YEATS4: variants seen among roughly 807,000 people sequenced by gnomAD.
YEATS4 encodes YEATS domain-containing protein 4.
YEATS4 carries 17 observed loss-of-function variants against 30.1 expected under a neutral mutation model. That is an observed-to-expected ratio of 0.56 (90% CI 0.39 to 0.85). The LOEUF is 0.85. YEATS4 is among the 40% of genes least tolerant of loss of function. YEATS4 has a pLI of 0.00. For synonymous variants in YEATS4, 85 were observed against 87.5 expected, an observed-to-expected ratio of 0.97 and a Z score of 0.16; for missense variants, 142 against 268.3, an observed-to-expected ratio of 0.53 and a Z score of 3.29.
the YEATS4 span, among the ~76,000 whole-genome samples, chr12:69,399,395 T>C: frequency 6.6e-6 from 1 of 152,142 alleles, no homozygotes; most frequent in Non-Finnish European, 1.5e-5. Flanking sequence ...CCAATAAGCA[T>C]ATAAAAAGAT....
chr12:69,370,902 A>G lies in YEATS4; in HGVS notation c.441A>G (p.Pro147=). The G allele has an allele frequency of 1.2e-6, 2 of 1,613,372 alleles. No homozygotes were observed. The highest frequency in any genetic ancestry group is 2.2e-5 in the South Asian group (2 of 90,900). ...EFYDEMIFQD[P]TAMMQQLLTT... The stretch of plus-strand genomic sequence containing the variant: ...TATCCCATTAGATATTTCAAGACCC[A>G]ACAGCAATGATGCAACAATTATTGA... Residue 147 remains proline, a synonymous_variant, in exon 6 of 7, where the codon CCA becomes CCG. Coordinates refer to ENST00000247843, the MANE Select transcript of YEATS4 (RefSeq NM_006530.4).
chr12:69,391,749 A>G (rs571448048), downstream of YEATS4, among the ~76,000 whole-genome samples: 1 of 152,298 alleles, frequency 6.6e-6, no homozygotes, highest in African/African-American at 2.4e-5. Flanking sequence ...TCATGATAAG[A>G]TTTCCCAAGT....
At chr12:69,376,992 A>G (rs1027525919) in intron 6 of YEATS4, among the ~76,000 whole-genome samples, 9 of 152,238 alleles carry the variant, frequency 5.9e-5, no homozygotes, top group African/African-American at 2.2e-4. Flanking sequence ...TTGGCATATA[A>G]TTGCTCATAG....
chr12:69,380,864 A>G (rs1469693520), intron 6 of YEATS4, among the ~76,000 whole-genome samples: 1 of 152,136 alleles, frequency 6.6e-6, no homozygotes, highest in Non-Finnish European at 1.5e-5. Flanking sequence ...AAGCCACAAA[A>G]CCAGCAAGTT....
In YEATS4 at chr12:69,390,804, C is replaced by T. The variant is rs1345454316; in HGVS notation, c.*488C>T. ...TGTAGTTTACAGATCCTATTTCTCC[C>T]TCCTGATGTGTTTCTTCCTCTTTGA... On this transcript the variant is annotated 3_prime_UTR_variant, in exon 7 of 7. Transcript: ENST00000247843. 6.6e-6 allele frequency: 1 copy of T among 152,268 alleles called. No homozygotes were observed. The highest frequency in any genetic ancestry group is 1.5e-5 in the Non-Finnish European group (1 of 68,086). 9.4% of individuals were successfully genotyped at this position (152,268 alleles called of 1,614,324 possible). A position where few individuals can be genotyped will look rare whatever the true frequency, so the allele number is the denominator to read the frequency against.
intron 6 of YEATS4, among the ~76,000 whole-genome samples, chr12:69,376,365 C>T (rs1359915636): frequency 1.3e-5 from 2 of 152,114 alleles, no homozygotes; most frequent in Non-Finnish European, 2.9e-5. Context: ...GACTCTCTCT[C>T]AGAATAAATA....
chr12:69,364,919 G>A (rs567097927), intron 2 of YEATS4, among the ~76,000 whole-genome samples: 26 of 151,932 alleles, frequency 1.7e-4, no homozygotes, highest in Middle Eastern at 3.2e-3. Context: ...CGTGCCCGGC[G>A]TATGTGATAT....
At position 69,383,898 on chromosome 12, in the gene YEATS4, A is replaced by C. The variant is rs1876173532; in HGVS notation, c.515-6249A>C. Among the ~76,000 whole-genome samples, 3 of 152,232 alleles carry C rather than the reference A, an allele frequency of 2.0e-5. 1 individual carries two copies. In the South Asian group the frequency reaches 6.2e-4, roughly 32 times the overall value. On this transcript the variant is annotated intron_variant, in intron 6 of 6. Coordinates refer to ENST00000247843, the MANE Select transcript of YEATS4 (RefSeq NM_006530.4). ...CAAGAGGGTATTGTTTTCAGGGGGA[A>C]ATAAACTAGTATATTTGTAGGCTGA...
At chr12:69,373,243 T>C (rs1308493899) in intron 6 of YEATS4, among the ~76,000 whole-genome samples, 6 of 152,242 alleles carry the variant, frequency 3.9e-5, no homozygotes, top group African/African-American at 1.4e-4. Context: ...TTTACTAATT[T>C]ACATTCCCAC....
chr12:69,370,800 T>C lies in YEATS4; in HGVS notation c.426+2T>C. On this transcript the variant is annotated splice_donor_variant, in intron 5 of 6. Transcript: ENST00000247843. LOFTEE classifies it high-confidence loss of function. ...GTTTCAGAGTTCTATGATGAAATGG[T>C]AAGAAGATTTTATAATGATAGTTTT... 1 of 1,596,322 alleles carries C rather than the reference T, an allele frequency of 6.3e-7. No individual in the cohort carries two copies. The highest frequency in any genetic ancestry group is 8.5e-7 in the Non-Finnish European group (1 of 1,174,662).
At chr12:69,377,048 T>C (rs965759580) in intron 6 of YEATS4, among the ~76,000 whole-genome samples, 1 of 152,300 alleles carries the variant, frequency 6.6e-6, no homozygotes, top group Non-Finnish European at 1.5e-5. Flanking sequence ...AGTTTTAATG[T>C]CTCCTTTTTC....
intron 6 of YEATS4, among the ~76,000 whole-genome samples, chr12:69,377,396 CT>C (rs1408268222): frequency 7.9e-5 from 12 of 151,404 alleles, no homozygotes; most frequent in Non-Finnish European, 1.8e-4. Context: ...TCTGTCCTTC[CT>C]TCCTTCCTTT....
At chr12:69,382,901 C>CA (rs1182328477) in intron 6 of YEATS4, among the ~76,000 whole-genome samples, 2 of 152,074 alleles carry the variant, frequency 1.3e-5, no homozygotes, top group Admixed American at 6.5e-5. Flanking sequence ...TGAGGAACTC[C>CA]AAAAAAGTCA....
At chr12:69,385,291 A>T (rs1335730982) in intron 6 of YEATS4, among the ~76,000 whole-genome samples, 2 of 151,368 alleles carry the variant, frequency 1.3e-5, no homozygotes, top group African/African-American at 2.4e-5. Context: ...TGTACCGATT[A>T]AGAGTAAACT....
chr12:69,375,008 G>GC (rs142781942), intron 6 of YEATS4, among the ~76,000 whole-genome samples: 103,508 of 147,484 alleles, frequency 0.7, 36,700 homozygotes, highest in African/African-American at 0.83. Context: ...GGCGGGGGCT[G>GC]CCCCCACCTC....
At chr12:69,375,539 G>A (rs1875834501) in intron 6 of YEATS4, among the ~76,000 whole-genome samples, 1 of 152,222 alleles carries the variant, frequency 6.6e-6, no homozygotes, top group South Asian at 2.1e-4. Context: ...CACTTTGGGA[G>A]GCCAAGGCAG....
the YEATS4 span, among the ~76,000 whole-genome samples, chr12:69,419,257 G>A: frequency 3.5e-5 from 4 of 114,074 alleles, no homozygotes; most frequent in African/African-American, 1.4e-4. Flanking sequence ...GTCTCACTCT[G>A]TTGCCCAGGC....
chr12:69,389,248 G>T (rs1027742546), intron 6 of YEATS4, among the ~76,000 whole-genome samples: 3 of 151,878 alleles, frequency 2.0e-5, no homozygotes, highest in African/African-American at 7.3e-5. Context: ...TCAGGAGTTC[G>T]CAGTCAGCCT....
At chr12:69,404,659 C>A in the YEATS4 span, among the ~76,000 whole-genome samples, 2 of 152,194 alleles carry the variant, frequency 1.3e-5, no homozygotes, top group African/African-American at 4.8e-5. Context: ...TATGCCTTTT[C>A]TTTGTAAATT....
Sources: gnomAD v4.1 joint callset for allele counts (sites outside exome capture counted in the v4.1 genomes callset) on GRCh38, gnomAD v4.1.1 for gene constraint, MANE v1.5 for transcripts, NCBI Gene and HGNC (gene_info 2026-07-23, HGNC 2026-07-21) for gene names.